NLRP2B: variants seen among roughly 807,000 people sequenced by gnomAD.
NLRP2B encodes NLR family pyrin domain containing 2B, also known as NLR family pyrin domain-containing protein 2B.
For missense variants in NLRP2B, 25 were observed against 6.8 expected (o/e 3.70, Z -3.00); for synonymous variants, 16 against 3.5 (o/e 4.63, Z -4.03).
Position 57,678,321 on chromosome X carries a change from A to G in NLRP2B, c.*1802T>C, listed in dbSNP as rs2011728999. 7.4e-6 allele frequency: 4 copies of G among 541,578 alleles called. No homozygotes were observed. The highest frequency in any genetic ancestry group is 4.7e-5 in the South Asian group (2 of 42,870). 44.6% of individuals were successfully genotyped at this position (541,578 alleles called of 1,213,427 possible). A position where few individuals can be genotyped will look rare whatever the true frequency, so the allele number is the denominator to read the frequency against. On this transcript the variant is annotated 3_prime_UTR_variant, in exon 1 of 1. Coordinates refer to ENST00000434992, the MANE Select transcript of NLRP2B (RefSeq NM_001319967.1). The stretch of plus-strand genomic sequence containing the variant: ...GCAGTGGCATTTTCTGCAAGTTTCG[A>G]CAATGCTTGAGGCAGATTGAAAACA...
In NLRP2B at chrX:57,679,248, C is replaced by T. The variant is rs780294826; in HGVS notation, c.*875G>A. 60 of 453,854 alleles carry T rather than the reference C, an allele frequency of 1.3e-4. No homozygotes were observed. Among genetic ancestry groups the T allele is most frequent in the South Asian group, 7.6e-4 (26 of 34,275 alleles). The allele number at this position is 453,854 out of a possible 1,213,427, so 37.4% of individuals were successfully genotyped here. ...CAACAGCCGGAGGTCTCTCAGGGCC[C>T]GCAGGCCACGTGGTGACCAGCACGG... On this transcript the variant is annotated 3_prime_UTR_variant, in exon 1 of 1. Transcript: ENST00000434992.
At position 57,679,557 on chromosome X, in the gene NLRP2B, G is replaced by T; in HGVS notation, c.*566C>A. On this transcript the variant is annotated 3_prime_UTR_variant, in exon 1 of 1. Transcript: ENST00000434992. ...GGTAGAAAGCCTATCTAAATTTCTG[G>T]CTGAGGTTGTCCTCTGCCCAGTCCA... is the stretch of plus-strand genomic sequence containing the variant. 3.4e-6 allele frequency: 2 copies of T among 583,795 alleles called. No individual in the cohort carries two copies. The highest frequency in any genetic ancestry group is 2.5e-5 in the Admixed American group (1 of 40,546). The allele number at this position is 583,795 out of a possible 1,213,427, so 48.1% of individuals were successfully genotyped here.
Position 57,677,574 on chromosome X carries a change from G to T in NLRP2B, c.*2549C>A. On this transcript the variant is annotated 3_prime_UTR_variant, in exon 1 of 1. Transcript: ENST00000434992. ...GCACCAGGGTCTGTAGTTTACAATG[G>T]GGGTAACTCAAACCCTTACACAGAA... is the stretch of plus-strand genomic sequence containing the variant. 3.3e-6 allele frequency: 1 copy of T among 303,515 alleles called. No individual in the cohort carries two copies. The highest frequency in any genetic ancestry group is 6.3e-6 in the Non-Finnish European group (1 of 158,183). The allele number at this position is 303,515 out of a possible 1,213,427, so 25.0% of individuals were successfully genotyped here.
rs1292820794 is a variant in NLRP2B at position 57,677,086 on chromosome X, G to A, written c.*3037C>T. 2.0e-5 allele frequency: 5 copies of A among 253,719 alleles called. No homozygotes were observed. The highest frequency in any genetic ancestry group is 2.9e-5 in the Non-Finnish European group (4 of 136,849). 20.9% of individuals were successfully genotyped at this position (253,719 alleles called of 1,213,427 possible). A position where few individuals can be genotyped will look rare whatever the true frequency, so the allele number is the denominator to read the frequency against. ...GATTCAGATAATGAAGTAATGAAAA[G>A]AAAGCCTTTTTTCCCCCCCAAAGGA... On this transcript the variant is annotated 3_prime_UTR_variant, in exon 1 of 1. Coordinates refer to ENST00000434992, the MANE Select transcript of NLRP2B (RefSeq NM_001319967.1).
Position 57,678,193 on chromosome X carries a change from T to C in NLRP2B, c.*1930A>G. 3.8e-6 allele frequency: 2 copies of C among 522,571 alleles called. No homozygotes were observed. Among genetic ancestry groups the C allele is most frequent in the South Asian group, 4.9e-5 (2 of 40,491 alleles). The allele number at this position is 522,571 out of a possible 1,213,427, so 43.1% of individuals were successfully genotyped here. On this transcript the variant is annotated 3_prime_UTR_variant, in exon 1 of 1. Coordinates refer to ENST00000434992, the MANE Select transcript of NLRP2B (RefSeq NM_001319967.1). The stretch of plus-strand genomic sequence containing the variant: ...ATTTGAGCCAAATATGGAACAAAGG[T>C]CGGTCCAGAAAGGAAGCATGTGTTG...
chrX:57,679,059 C>T lies in NLRP2B; in HGVS notation c.*1064G>A. The T allele has an allele frequency of 4.7e-6, 2 of 421,409 alleles. No homozygotes were observed. The highest frequency in any genetic ancestry group is 4.4e-6 in the Non-Finnish European group (1 of 228,519). The allele number at this position is 421,409 out of a possible 1,213,427, so 34.7% of individuals were successfully genotyped here. On this transcript the variant is annotated 3_prime_UTR_variant, in exon 1 of 1. Transcript: ENST00000434992. ...CAGCTTCAGACTCATGCACATGATCCAGCACACCATGGGTGCCGAGACAGG... is the reference window on the plus strand; with the variant it reads ...CAGCTTCAGACTCATGCACATGATCTAGCACACCATGGGTGCCGAGACAGG...
In NLRP2B at chrX:57,679,783, C is replaced by T. The variant is rs1055678997; in HGVS notation, c.*340G>A. ...CCAGAACTTCGTCTTCAATATACTCCTGTACCTATCCTCTTTACCTGGCTT... is the reference window on the plus strand; with the variant it reads ...CCAGAACTTCGTCTTCAATATACTCTTGTACCTATCCTCTTTACCTGGCTT... On this transcript the variant is annotated 3_prime_UTR_variant, in exon 1 of 1. Transcript: ENST00000434992. 1 of 327,331 alleles carries T rather than the reference C, an allele frequency of 3.1e-6. No individual in the cohort carries two copies. Among genetic ancestry groups the T allele is most frequent in the African/African-American group, 2.7e-5 (1 of 37,671 alleles). The allele number at this position is 327,331 out of a possible 1,213,427, so 27.0% of individuals were successfully genotyped here. A position where few individuals can be genotyped will look rare whatever the true frequency, so the allele number is the denominator to read the frequency against.
Position 57,678,303 on chromosome X carries a change from C to A in NLRP2B, c.*1820G>T, listed in dbSNP as rs1372324671. 1.1e-5 allele frequency: 6 copies of A among 541,908 alleles called. No homozygotes were observed. In the African/African-American group the frequency reaches 1.4e-4, roughly 12 times the overall value. 44.7% of individuals were successfully genotyped at this position (541,908 alleles called of 1,213,427 possible). A position where few individuals can be genotyped will look rare whatever the true frequency, so the allele number is the denominator to read the frequency against. On this transcript the variant is annotated 3_prime_UTR_variant, in exon 1 of 1. Coordinates refer to ENST00000434992, the MANE Select transcript of NLRP2B (RefSeq NM_001319967.1). Reference sequence around the variant, plus strand: ...GCTTTGCCTTTGCTGCCTGCAGTGGCATTTTCTGCAAGTTTCGACAATGCT... The same window carrying A: ...GCTTTGCCTTTGCTGCCTGCAGTGGAATTTTCTGCAAGTTTCGACAATGCT...
In NLRP2B at chrX:57,678,659, G is replaced by A. The variant is rs888941998; in HGVS notation, c.*1464C>T. The A allele has an allele frequency of 9.4e-6, 4 of 424,988 alleles. No individual in the cohort carries two copies. The highest frequency in any genetic ancestry group is 3.2e-5 in the Admixed American group (1 of 31,281). 35.0% of individuals were successfully genotyped at this position (424,988 alleles called of 1,213,427 possible). A position where few individuals can be genotyped will look rare whatever the true frequency, so the allele number is the denominator to read the frequency against. On this transcript the variant is annotated 3_prime_UTR_variant, in exon 1 of 1. Coordinates refer to ENST00000434992, the MANE Select transcript of NLRP2B (RefSeq NM_001319967.1). Reference sequence around the variant, plus strand: ...CTTTCTTCTCTAGAAAACAGCTTCTGCACGTCTCCATTGTCCCAGGCGTGG... The same window carrying A: ...CTTTCTTCTCTAGAAAACAGCTTCTACACGTCTCCATTGTCCCAGGCGTGG...
rs2011721724 is a variant in NLRP2B, at chrX:57,677,846, C to T, written c.*2277G>A. On this transcript the variant is annotated 3_prime_UTR_variant, in exon 1 of 1. Coordinates refer to ENST00000434992, the MANE Select transcript of NLRP2B (RefSeq NM_001319967.1). ...GTCAGGGACTGGTTGACTTCAAGGG[C>T]CAAGGAGAGATCAGCCCATTGCTAA... The T allele has an allele frequency of 2.3e-6, 1 of 429,942 alleles. No homozygotes were observed. The highest frequency in any genetic ancestry group is 2.7e-5 in the Admixed American group (1 of 36,655). The allele number at this position is 429,942 out of a possible 1,213,427, so 35.4% of individuals were successfully genotyped here.
Position 57,677,092 on chromosome X carries a change from C to CT in NLRP2B, c.*3030dup, listed in dbSNP as rs1212758171. The CT allele has an allele frequency of 1.2e-5, 3 of 254,431 alleles. No homozygotes were observed. The highest frequency in any genetic ancestry group is 2.9e-5 in the African/African-American group (1 of 34,902). 21.0% of individuals were successfully genotyped at this position (254,431 alleles called of 1,213,427 possible). On this transcript the variant is annotated 3_prime_UTR_variant, in exon 1 of 1. Coordinates refer to ENST00000434992, the MANE Select transcript of NLRP2B (RefSeq NM_001319967.1). ...GATAATGAAGTAATGAAAAGAAAGCCTTTTTTCCCCCCCAAAGGATCATGT... is the reference window on the plus strand; with the variant it reads ...GATAATGAAGTAATGAAAAGAAAGCCTTTTTTTCCCCCCCAAAGGATCATGT...
Position 57,680,096 on chromosome X carries a change from C to T in NLRP2B, c.*27G>A. The T allele has an allele frequency of 2.2e-6, 1 of 449,051 alleles. No individual in the cohort carries two copies. The highest frequency in any genetic ancestry group is 4.0e-6 in the Non-Finnish European group (1 of 250,426). 37.0% of individuals were successfully genotyped at this position (449,051 alleles called of 1,213,427 possible). The stretch of plus-strand genomic sequence containing the variant: ...GGCAATGGCTGGTGATGATTTCTGC[C>T]AGTTGCTTCCCATCAGCCTTGTCTA... On this transcript the variant is annotated 3_prime_UTR_variant, in exon 1 of 1. Coordinates refer to ENST00000434992, the MANE Select transcript of NLRP2B (RefSeq NM_001319967.1).
rs2011722123 is a variant in NLRP2B at position 57,677,862 on chromosome X, C to G, written c.*2261G>C. On this transcript the variant is annotated 3_prime_UTR_variant, in exon 1 of 1. Coordinates refer to ENST00000434992, the MANE Select transcript of NLRP2B (RefSeq NM_001319967.1). ...CTTCAAGGGCCAAGGAGAGATCAGC[C>G]CATTGCTAAGTGGTGGTGGAAAAAG... The G allele has an allele frequency of 2.3e-6, 1 of 426,431 alleles. No individual in the cohort carries two copies. The allele number at this position is 426,431 out of a possible 1,213,427, so 35.1% of individuals were successfully genotyped here. A position where few individuals can be genotyped will look rare whatever the true frequency, so the allele number is the denominator to read the frequency against.
rs1436097200 is a variant in NLRP2B, at chrX:57,678,183, G to A, written c.*1940C>T. 2.0e-5 allele frequency: 10 copies of A among 512,457 alleles called. No homozygotes were observed. The highest frequency in any genetic ancestry group is 1.5e-4 in the Admixed American group (6 of 40,775). 42.2% of individuals were successfully genotyped at this position (512,457 alleles called of 1,213,427 possible). A position where few individuals can be genotyped will look rare whatever the true frequency, so the allele number is the denominator to read the frequency against. ...TCAGATCCTTATTTGAGCCAAATAT[G>A]GAACAAAGGTCGGTCCAGAAAGGAA... is the stretch of plus-strand genomic sequence containing the variant. On this transcript the variant is annotated 3_prime_UTR_variant, in exon 1 of 1. Transcript: ENST00000434992.
Position 57,679,525 on chromosome X carries a change from C to T in NLRP2B, c.*598G>A, listed in dbSNP as rs1158559445. 6.0e-6 allele frequency: 4 copies of T among 664,315 alleles called. No homozygotes were observed. In the African/African-American group the frequency reaches 8.6e-5, roughly 14 times the overall value. 54.7% of individuals were successfully genotyped at this position (664,315 alleles called of 1,213,427 possible). On this transcript the variant is annotated 3_prime_UTR_variant, in exon 1 of 1. Transcript: ENST00000434992. ...CGGGCCCAGGCAGATGAGCTCCTTG[C>T]AGGTGAGGTAGAAAGCCTATCTAAA...
Position 57,679,415 on chromosome X carries a change from GGAT to G in NLRP2B, c.*705_*707del, listed in dbSNP as rs774875158. 3.9e-4 allele frequency: 365 copies of G among 932,669 alleles called. 1 individual carries two copies. The highest frequency in any genetic ancestry group is 6.0e-5 in the Non-Finnish European group (39 of 646,121). The allele number at this position is 932,669 out of a possible 1,213,427, so 76.9% of individuals were successfully genotyped here. ...TCATCAAAGCCGTCGACCACGAACA[GGAT>G]TTTCTGTGCTTGGGCTAGGATGTTT... On this transcript the variant is annotated 3_prime_UTR_variant, in exon 1 of 1. Transcript: ENST00000434992.
chrX:57,677,620 A>C lies in NLRP2B; in HGVS notation c.*2503T>G. The C allele has an allele frequency of 3.3e-6, 1 of 307,458 alleles. No homozygotes were observed. The highest frequency in any genetic ancestry group is 6.2e-6 in the Non-Finnish European group (1 of 162,191). 25.3% of individuals were successfully genotyped at this position (307,458 alleles called of 1,213,427 possible). A position where few individuals can be genotyped will look rare whatever the true frequency, so the allele number is the denominator to read the frequency against. On this transcript the variant is annotated 3_prime_UTR_variant, in exon 1 of 1. Transcript: ENST00000434992. ...CAGAAACATCACCCATGTATCCCCG[A>C]GTGGGGGGTTCTTGGCCAAGCACAG...
chrX:57,678,912 C>A lies in NLRP2B; in HGVS notation c.*1211G>T, dbSNP rs935945859. 2.4e-6 allele frequency: 1 copy of A among 412,166 alleles called. No homozygotes were observed. The highest frequency in any genetic ancestry group is 3.7e-5 in the Admixed American group (1 of 27,261). 34.0% of individuals were successfully genotyped at this position (412,166 alleles called of 1,213,427 possible). ...ACATCTGCGCCCACAGGCCCTGTGC[C>A]GCCAGGAGGCTCAGCGCCCGCAGCA... On this transcript the variant is annotated 3_prime_UTR_variant, in exon 1 of 1. Transcript: ENST00000434992.
In NLRP2B at chrX:57,677,472, G is replaced by A. The variant is rs184399547; in HGVS notation, c.*2651C>T. 110 of 339,539 alleles carry A rather than the reference G, an allele frequency of 3.2e-4. No homozygotes were observed. Among genetic ancestry groups the A allele is most frequent in the African/African-American group, 2.6e-3 (98 of 37,929 alleles). The allele number at this position is 339,539 out of a possible 1,213,427, so 28.0% of individuals were successfully genotyped here. The stretch of plus-strand genomic sequence containing the variant: ...CTATGTGATTCAGTCCCAGATCCAA[G>A]CACATTAGGCTTGATTTTTCTTGGA... On this transcript the variant is annotated 3_prime_UTR_variant, in exon 1 of 1. Coordinates refer to ENST00000434992, the MANE Select transcript of NLRP2B (RefSeq NM_001319967.1).
Sources: gnomAD v4.1 joint callset for allele counts on GRCh38, gnomAD v4.1.1 for gene constraint, MANE v1.5 for transcripts, NCBI Gene and HGNC (gene_info 2026-07-23, HGNC 2026-07-21) for gene names.